Variants in SLC4A10 observed in about 807,000 individuals in gnomAD.
SLC4A10 encodes the protein sodium-driven chloride bicarbonate exchanger.
Under a neutral mutation model 137.7 loss-of-function variants are expected in SLC4A10, and 42 were observed. The ratio of observed to expected loss-of-function variants is 0.30; its 90% CI spans 0.24 to 0.39. SLC4A10 has a LOEUF of 0.39. Among genes scored for constraint, SLC4A10 ranks in the 10% least tolerant of loss-of-function variants. The pLI, the probability that SLC4A10 is intolerant of heterozygous loss-of-function variation, is 1.00. For missense variants in SLC4A10, 925 were observed against 1,355.0 expected, an observed-to-expected ratio of 0.68 and a Z score of 4.98; for synonymous variants, 474 against 464.1, an observed-to-expected ratio of 1.02 and a Z score of -0.27.
At chr2:161,922,530 G>T (rs1266114734) in intron 15 of SLC4A10, among the ~76,000 whole-genome samples, 1 of 151,976 alleles carries the variant, frequency 6.6e-6, no homozygotes, top group Non-Finnish European at 1.5e-5. Context: ...TACAAATAAT[G>T]GTTCTGAAGG....
intron 1 of SLC4A10, among the ~76,000 whole-genome samples, chr2:161,639,200 C>T (rs1409669380): frequency 1.3e-5 from 2 of 151,958 alleles, no homozygotes; most frequent in Non-Finnish European, 2.9e-5. Flanking sequence ...CTTCCAAACA[C>T]ATAAAGAACA....
intron 6 of SLC4A10, among the ~76,000 whole-genome samples, chr2:161,863,499 C>T (rs1245665301): frequency 6.6e-6 from 1 of 152,120 alleles, no homozygotes; most frequent in Non-Finnish European, 1.5e-5. Context: ...TTTCATGTTG[C>T]TCATAGTCAA....
chr2:161,776,087 G>A (rs767870462), intron 2 of SLC4A10, among the ~76,000 whole-genome samples: 1 of 151,832 alleles, frequency 6.6e-6, no homozygotes, highest in Non-Finnish European at 1.5e-5. Flanking sequence ...GCTGAAATTG[G>A]TGCTACTAGT....
intron 1 of SLC4A10, among the ~76,000 whole-genome samples, chr2:161,668,665 A>G (rs542084513): frequency 4.6e-5 from 7 of 152,026 alleles, no homozygotes; most frequent in Admixed American, 3.9e-4. Flanking sequence ...TTCATTACAT[A>G]TATTTCAATT....
rs144216038 is a variant in SLC4A10, at chr2:161,652,564, G to A, written c.48+27998G>A. Reference sequence around the variant, plus strand: ...TGATACAGGACATTTCAGTTTTCAGGGTTCTCTTTTTAAAATATTTTTATT... The same window carrying A: ...TGATACAGGACATTTCAGTTTTCAGAGTTCTCTTTTTAAAATATTTTTATT... On this transcript the variant is annotated intron_variant, in intron 1 of 26. Coordinates refer to ENST00000446997, the MANE Select transcript of SLC4A10 (RefSeq NM_001178015.2). 1.2e-3 allele frequency among the ~76,000 whole-genome samples: 188 copies of A among 152,114 alleles called. 5 individuals carry two copies. In the East Asian group the frequency reaches 0.032, roughly 26 times the overall value.
At chr2:161,767,867 A>G (rs1266655998) in intron 1 of SLC4A10, among the ~76,000 whole-genome samples, 1 of 151,998 alleles carries the variant, frequency 6.6e-6, no homozygotes, top group Non-Finnish European at 1.5e-5. Context: ...TTCCTCACCT[A>G]CAATTTTCTT....
At chr2:161,983,090 G>A (rs1392959419) in intron 26 of SLC4A10, 89 bp from the exon 27 acceptor site, 2 of 1,183,324 alleles carry the variant, frequency 1.7e-6, no homozygotes, top group Non-Finnish European at 2.4e-6. Flanking sequence ...GGTGCTTTGG[G>A]GTTGACGGGT....
intron 1 of SLC4A10, among the ~76,000 whole-genome samples, chr2:161,738,379 A>G (rs1311768878): frequency 2.6e-5 from 4 of 152,150 alleles, no homozygotes; most frequent in Non-Finnish European, 4.4e-5. Context: ...ATTTAGAGAG[A>G]CTCCAGCACT....
At chr2:161,918,541 G>T (rs891533091) in intron 15 of SLC4A10, among the ~76,000 whole-genome samples, 4 of 152,078 alleles carry the variant, frequency 2.6e-5, no homozygotes, top group African/African-American at 9.7e-5. Context: ...TGTGTATGAG[G>T]TTACATAGTG....
At chr2:161,755,034 C>T (rs1380167855) in intron 1 of SLC4A10, among the ~76,000 whole-genome samples, 4 of 152,148 alleles carry the variant, frequency 2.6e-5, no homozygotes, top group Non-Finnish European at 4.4e-5. Context: ...GTCTCCTGAA[C>T]TTGTTCTTTT....
rs781728916 is a variant in SLC4A10 at position 161,958,557 on chromosome 2, TA to T, written c.2862+5del. 6.2e-7 allele frequency: 1 copy of T among 1,605,420 alleles called. No homozygotes were observed. The highest frequency in any genetic ancestry group is 8.5e-7 in the Non-Finnish European group (1 of 1,173,634). ...GCTTCATCTCTAAAGGGAATTCAGG[TA>T]AATTACTTACAGTACTACAGGCACA... On this transcript the variant is annotated splice_donor_region_variant and intron_variant, in intron 21 of 26. Transcript: ENST00000446997.
chr2:161,838,350 C>CCAGATGT (rs1453501087), intron 3 of SLC4A10, among the ~76,000 whole-genome samples: 1 of 151,736 alleles, frequency 6.6e-6, no homozygotes, highest in East Asian at 1.9e-4. Context: ...ACCATAGCTT[C>CCAGATGT]AAGATGTAAA....
At chr2:161,793,684 GA>G (rs1417312174) in intron 2 of SLC4A10, among the ~76,000 whole-genome samples, 3 of 152,234 alleles carry the variant, frequency 2.0e-5, no homozygotes, top group Admixed American at 2.0e-4. Context: ...ATTATTAGCA[GA>G]AAGTAAAATT....
chr2:161,854,931 A>G, intron 4 of SLC4A10, 39 bp from the exon 5 acceptor site: 1 of 1,562,870 alleles, frequency 6.4e-7, no homozygotes, highest in Non-Finnish European at 8.7e-7. Context: ...TTAACCTACA[A>G]TATAATATAA....
intron 4 of SLC4A10, among the ~76,000 whole-genome samples, chr2:161,840,215 A>G (rs138004407): frequency 4.0e-4 from 61 of 152,304 alleles, no homozygotes; most frequent in Non-Finnish European, 8.4e-4. Context: ...AAAGTAGTTT[A>G]TTTCTATTTT....
chr2:161,710,550 A>G (rs188090955), intron 1 of SLC4A10: 59 of 239,726 alleles, frequency 2.5e-4, no homozygotes, highest in Admixed American at 1.7e-3. Context: ...AAAATATACT[A>G]CAATAAAAAG....
At chr2:161,659,461 A>G (rs1180114880) in intron 1 of SLC4A10, among the ~76,000 whole-genome samples, 1 of 152,162 alleles carries the variant, frequency 6.6e-6, no homozygotes, top group East Asian at 1.9e-4. Context: ...GGTGATGGAT[A>G]CACTGAAAGC....
intron 5 of SLC4A10, among the ~76,000 whole-genome samples, chr2:161,862,228 C>A (rs1259198323): frequency 1.3e-5 from 2 of 152,098 alleles, no homozygotes; most frequent in Admixed American, 6.6e-5. Context: ...ATCTAACATT[C>A]TCAAGGGAGT....
chr2:161,928,328 C>T (rs1444149491), intron 15 of SLC4A10, among the ~76,000 whole-genome samples: 1 of 132,898 alleles, frequency 7.5e-6, no homozygotes, highest in Non-Finnish European at 1.5e-5. Flanking sequence ...ACAATGAGAA[C>T]ACATGGACAC....
Sources: gnomAD v4.1 joint callset for allele counts (sites outside exome capture counted in the v4.1 genomes callset) on GRCh38, gnomAD v4.1.1 for gene constraint, MANE v1.5 for transcripts, NCBI Gene and HGNC (gene_info 2026-07-23, HGNC 2026-07-21) for gene names.